The following NLGN1 variants were observed in gnomAD, a reference collection of about 807,000 sequenced individuals.
NLGN1 encodes the protein neuroligin-1.
NLGN1 carries 12 observed loss-of-function variants against 65.5 expected under a neutral mutation model. The observed-to-expected ratio is 0.18, with a 90% CI of 0.12 to 0.30. The LOEUF (loss-of-function observed/expected upper bound fraction) is 0.30. Ranked by LOEUF, NLGN1 falls within the 10% of genes least tolerant of loss-of-function variation. NLGN1 has a pLI of 1.00. For missense variants in NLGN1, 750 were observed against 1,007.1 expected, an observed-to-expected ratio of 0.74 and a Z score of 3.46; for synonymous variants, 350 against 359.5, an observed-to-expected ratio of 0.97 and a Z score of 0.30.
intron 4 of NLGN1, among the ~76,000 whole-genome samples, chr3:174,057,040 A>G (rs1365641315): frequency 6.6e-6 from 1 of 151,946 alleles, no homozygotes; most frequent in East Asian, 1.9e-4. Flanking sequence ...ATTTCATGAC[A>G]ACTCTACTGA....
chr3:173,619,140 C>T (rs1194515660), intron 3 of NLGN1, among the ~76,000 whole-genome samples: 2 of 152,084 alleles, frequency 1.3e-5, no homozygotes, highest in African/African-American at 4.8e-5. Flanking sequence ...CCATGGTGCA[C>T]ATCAGTAAAT....
chr3:174,238,019 G>A (rs1742068678), intron 4 of NLGN1, among the ~76,000 whole-genome samples: 1 of 152,166 alleles, frequency 6.6e-6, no homozygotes, highest in African/African-American at 2.4e-5. Context: ...ACAGTAGGAT[G>A]TGCTAAATAT....
At chr3:173,730,153 A>G (rs905996782) in intron 3 of NLGN1, among the ~76,000 whole-genome samples, 5 of 151,244 alleles carry the variant, frequency 3.3e-5, no homozygotes, top group East Asian at 1.9e-4. Flanking sequence ...TTATATATCA[A>G]TATACATGAT....
At chr3:174,066,788 CT>C (rs1738704507) in intron 4 of NLGN1, among the ~76,000 whole-genome samples, 2 of 151,966 alleles carry the variant, frequency 1.3e-5, no homozygotes, top group African/African-American at 2.4e-5. Flanking sequence ...ATCTAAATGA[CT>C]TGTTAATGTT....
intron 4 of NLGN1, among the ~76,000 whole-genome samples, chr3:173,898,821 G>C (rs993701176): frequency 5.3e-5 from 8 of 152,096 alleles, no homozygotes; most frequent in African/African-American, 1.9e-4. Context: ...CTTTCAAAGA[G>C]ACCTCATAAA....
chr3:173,744,019 A>G (rs1266981633), intron 3 of NLGN1, among the ~76,000 whole-genome samples: 2 of 152,186 alleles, frequency 1.3e-5, no homozygotes, highest in African/African-American at 4.8e-5. Flanking sequence ...CAAAATAACT[A>G]GTTAGAAATT....
intron 4 of NLGN1, among the ~76,000 whole-genome samples, chr3:174,267,572 C>T (rs1168583198): frequency 6.6e-6 from 1 of 152,094 alleles, no homozygotes; most frequent in Non-Finnish European, 1.5e-5. Context: ...GCCTACTGGG[C>T]CACATGTCCT....
chr3:173,397,589 CTTCT>C (rs1346236967), upstream of NLGN1, among the ~76,000 whole-genome samples: 3 of 152,052 alleles, frequency 2.0e-5, no homozygotes, highest in Admixed American at 2.0e-4. Context: ...GCAGATGCAT[CTTCT>C]TTCTTCTTGG....
rs373096417 is a variant in NLGN1, at chr3:173,608,784, A to G, written c.493+3693A>G. Among the ~76,000 whole-genome samples the G allele has an allele frequency of 5.9e-5, 9 of 151,760 alleles. No homozygotes were observed. In the East Asian group the frequency reaches 1.2e-3, roughly 20 times the overall value. On this transcript the variant is annotated intron_variant, in intron 3 of 6. Coordinates refer to ENST00000457714, the Ensembl canonical transcript of NLGN1. ...TTTCTTTAACACATTCAAATATGTCATGAGTTCTTTTTATTCTATCAGTTG... is the reference window on the plus strand; with the variant it reads ...TTTCTTTAACACATTCAAATATGTCGTGAGTTCTTTTTATTCTATCAGTTG...
At chr3:174,171,348 C>A (rs78273688) in intron 4 of NLGN1, among the ~76,000 whole-genome samples, 1 of 151,978 alleles carries the variant, frequency 6.6e-6, no homozygotes, top group Non-Finnish European at 1.5e-5. Context: ...AATAGCATCA[C>A]GAACAAAATT....
At chr3:173,512,165 A>G (rs1226051401) in intron 2 of NLGN1, among the ~76,000 whole-genome samples, 1 of 152,196 alleles carries the variant, frequency 6.6e-6, no homozygotes, top group Non-Finnish European at 1.5e-5. Flanking sequence ...GCAGTGTGTT[A>G]TCAGCTCAGT....
At chr3:173,717,925 G>A (rs1770145263) in intron 3 of NLGN1, among the ~76,000 whole-genome samples, 2 of 152,274 alleles carry the variant, frequency 1.3e-5, no homozygotes, top group South Asian at 2.1e-4. Context: ...TATTAGTGAT[G>A]TAGGTACAAG....
At chr3:173,464,665 C>T (rs140852709) in intron 2 of NLGN1, among the ~76,000 whole-genome samples, 2,709 of 152,106 alleles carry the variant, frequency 0.018, 92 homozygotes, top group African/African-American at 0.06. Context: ...GAACTCCCGA[C>T]CTTAGGTGAT....
At chr3:173,994,305 C>T (rs551671744) in intron 4 of NLGN1, among the ~76,000 whole-genome samples, 2 of 151,734 alleles carry the variant, frequency 1.3e-5, no homozygotes, top group East Asian at 3.9e-4. Flanking sequence ...TGCCATGTTG[C>T]CCAGACTGGT....
intron 4 of NLGN1, among the ~76,000 whole-genome samples, chr3:173,935,593 T>TACACACACACACACACAC (rs769538665): frequency 2.1e-5 from 3 of 142,688 alleles, no homozygotes; most frequent in African/African-American, 7.8e-5. Flanking sequence ...ATATACAGTC[T>TACACACACACACACACAC]ACACACACAC....
chr3:173,850,570 A>T (rs1312624417), intron 4 of NLGN1, among the ~76,000 whole-genome samples: 1 of 152,170 alleles, frequency 6.6e-6, no homozygotes, highest in East Asian at 1.9e-4. Flanking sequence ...AATGAGAGAC[A>T]TTCATTCCAA....
intron 4 of NLGN1, among the ~76,000 whole-genome samples, chr3:173,856,858 A>G (rs1043259234): frequency 1.3e-5 from 2 of 152,096 alleles, no homozygotes; most frequent in Non-Finnish European, 2.9e-5. Context: ...TATGAGACTC[A>G]GTACAGAATA....
At chr3:174,121,525 C>T (rs930203603) in intron 4 of NLGN1, among the ~76,000 whole-genome samples, 1 of 152,146 alleles carries the variant, frequency 6.6e-6, no homozygotes, top group African/African-American at 2.4e-5. Flanking sequence ...GCAATTCTGG[C>T]TTGAGCTTCA....
At chr3:174,194,842 A>C (rs998991408) in intron 4 of NLGN1, among the ~76,000 whole-genome samples, 3 of 147,924 alleles carry the variant, frequency 2.0e-5, no homozygotes, top group Non-Finnish European at 4.5e-5. Flanking sequence ...TGAACCATTC[A>C]AGATTTTTTT....
Sources: allele counts gnomAD v4.1 joint callset (sites outside exome capture counted in the v4.1 genomes callset), GRCh38; gene constraint gnomAD v4.1.1; transcripts MANE v1.5; gene names NCBI Gene and HGNC (gene_info 2026-07-23, HGNC 2026-07-21).